Variants in CDH4 observed in about 807,000 individuals in gnomAD.
The protein encoded by CDH4 is cadherin-4.
A neutral mutation model predicts 86.0 loss-of-function variants in CDH4; 33 were observed. The ratio of observed to expected loss-of-function variants is 0.38; its 90% CI spans 0.29 to 0.51. The LOEUF is 0.51. Ranked by LOEUF, CDH4 falls within the 20% of genes least tolerant of loss-of-function variation. CDH4 has a pLI of 0.86. For missense variants in CDH4, 1,114 were observed against 1,307.4 expected (o/e 0.85, Z 2.28); for synonymous variants, 555 against 549.4 (o/e 1.01, Z -0.14).
At chr20:61,925,347 G>A (rs2055033709) in intron 11 of CDH4, among the ~76,000 whole-genome samples, 3 of 152,210 alleles carry the variant, frequency 2.0e-5, no homozygotes, top group African/African-American at 7.2e-5. Context: ...TGGAACCGAA[G>A]ATCAGTCCAG....
At chr20:61,361,604 C>A (rs748279576) in intron 2 of CDH4, among the ~76,000 whole-genome samples, 2 of 152,186 alleles carry the variant, frequency 1.3e-5, no homozygotes, top group South Asian at 4.1e-4. Flanking sequence ...TTCCGACAGT[C>A]GTGCGTGGAG....
chr20:61,317,678 T>G (rs1015865302), intron 2 of CDH4, among the ~76,000 whole-genome samples: 4 of 152,088 alleles, frequency 2.6e-5, no homozygotes, highest in Non-Finnish European at 5.9e-5. Context: ...CTCCCCTAGG[T>G]GCCACAACCA....
chr20:61,838,935 G>A (rs1355515752), intron 4 of CDH4, among the ~76,000 whole-genome samples: 1 of 152,224 alleles, frequency 6.6e-6, no homozygotes, highest in South Asian at 2.1e-4. Flanking sequence ...TGTGCCTTCG[G>A]GATGGGGCAA....
intron 7 of CDH4, among the ~76,000 whole-genome samples, chr20:61,893,462 G>A (rs955507521): frequency 2.7e-5 from 4 of 150,276 alleles, no homozygotes; most frequent in Admixed American, 6.6e-5. Context: ...AGGGATAGAC[G>A]GATTGGCGGA....
intron 2 of CDH4, chr20:61,499,410 G>C (rs764733367): frequency 7.9e-7 from 1 of 1,268,408 alleles, no homozygotes; most frequent in South Asian, 1.2e-5. Context: ...GGGTGCAGGT[G>C]TGCCTGGTTC....
At chr20:61,342,250 A>C (rs981066246) in intron 2 of CDH4, among the ~76,000 whole-genome samples, 22 of 152,320 alleles carry the variant, frequency 1.4e-4, no homozygotes, top group Middle Eastern at 6.8e-3. Flanking sequence ...GGATGATTCA[A>C]GCGCTTTACA....
At chr20:61,565,260 GTGGTGGTGGTCCTCTTGGTGATGGGGTGA>G (rs2086274570) in intron 2 of CDH4, among the ~76,000 whole-genome samples, 1 of 101,724 alleles carries the variant, frequency 9.8e-6, no homozygotes, top group Non-Finnish European at 2.1e-5. Context: ...CTTGGTGATG[GTGGTGGTGGTCCTCTTGGTGATGGGGTGA>G]TGGTGGTGGC....
At chr20:61,477,045 G>C (rs2085540916) in intron 2 of CDH4, among the ~76,000 whole-genome samples, 1 of 152,332 alleles carries the variant, frequency 6.6e-6, no homozygotes, top group Admixed American at 6.5e-5. Context: ...AGAGCCAGGG[G>C]CCGGGGCTGC....
chr20:61,484,940 A>T (rs2085587908), intron 2 of CDH4, among the ~76,000 whole-genome samples: 1 of 152,218 alleles, frequency 6.6e-6, no homozygotes, highest in Non-Finnish European at 1.5e-5. Context: ...TAAAGGTGCC[A>T]GTGTTTTCTC....
In CDH4 at chr20:61,879,543, T is replaced by A. The variant is rs1984190367; in HGVS notation, c.1050+5643T>A. Reference sequence around the variant, plus strand: ...CGCCGTGTCTAATTAGGCAGAGCTATGTAAATTGAGCGCTTCTACTTGATT... The same window carrying A: ...CGCCGTGTCTAATTAGGCAGAGCTAAGTAAATTGAGCGCTTCTACTTGATT... On this transcript the variant is annotated intron_variant, in intron 7 of 15. Transcript: ENST00000614565. This position sits in a 1 kb window ranked among gnomAD's most constrained non-coding sequence, Gnocchi z 4.1. Among the ~76,000 whole-genome samples the A allele has an allele frequency of 6.6e-6, 1 of 152,182 alleles. No individual in the cohort carries two copies. Among genetic ancestry groups the A allele is most frequent in the South Asian group, 2.1e-4 (1 of 4,830 alleles).
intron 2 of CDH4, chr20:61,435,501 C>G (rs1034154265): frequency 6.6e-6 from 1 of 152,508 alleles, no homozygotes; most frequent in Non-Finnish European, 1.5e-5. Context: ...GCACTGCGGC[C>G]GGAGGAGGTG....
intron 2 of CDH4, among the ~76,000 whole-genome samples, chr20:61,293,607 T>A (rs2084335561): frequency 6.6e-6 from 1 of 152,200 alleles, no homozygotes; most frequent in Non-Finnish European, 1.5e-5. Flanking sequence ...GAGAGACACA[T>A]TTTTAAAGCC....
At chr20:61,624,630 G>C (rs1320133298) in intron 2 of CDH4, among the ~76,000 whole-genome samples, 1 of 152,246 alleles carries the variant, frequency 6.6e-6, no homozygotes, top group Non-Finnish European at 1.5e-5. Flanking sequence ...TGATGACAGG[G>C]ACAAAGAGAG....
At chr20:61,297,627 G>C (rs975684692) in intron 2 of CDH4, among the ~76,000 whole-genome samples, 2 of 152,256 alleles carry the variant, frequency 1.3e-5, no homozygotes, top group African/African-American at 4.8e-5. Flanking sequence ...CTGGCACACA[G>C]TGGGCCCTTC....
chr20:61,503,980 C>T (rs2085722430), intron 2 of CDH4, among the ~76,000 whole-genome samples: 1 of 152,182 alleles, frequency 6.6e-6, no homozygotes, highest in African/African-American at 2.4e-5. Context: ...TGCTTATGGT[C>T]TGGTTTTCTA....
chr20:61,555,721 T>A (rs1160866149), intron 2 of CDH4, among the ~76,000 whole-genome samples: 2 of 152,222 alleles, frequency 1.3e-5, no homozygotes, highest in African/African-American at 4.8e-5. Flanking sequence ...ATGGGCTCAT[T>A]AGAGTAGCAG....
In CDH4 at chr20:61,749,662, A is replaced by G. The variant is rs368780853; in HGVS notation, c.396+5873A>G. ...GCAGGAAAAAAAAAAATCACATGGAAATTAGTGAATATTTTGAACTGAGTA... is the reference window on the plus strand; with the variant it reads ...GCAGGAAAAAAAAAAATCACATGGAGATTAGTGAATATTTTGAACTGAGTA... On this transcript the variant is annotated intron_variant, in intron 3 of 15. Transcript: ENST00000614565. Among the ~76,000 whole-genome samples the G allele has an allele frequency of 1.7e-3, 254 of 152,342 alleles. 1 individual carries two copies. Among genetic ancestry groups the G allele is most frequent in the African/African-American group, 5.9e-3 (246 of 41,584 alleles).
intron 4 of CDH4, among the ~76,000 whole-genome samples, chr20:61,813,624 C>G (rs1027814811): frequency 9.2e-5 from 14 of 152,186 alleles, no homozygotes; most frequent in African/African-American, 3.4e-4. Flanking sequence ...TCTGCTGGCT[C>G]AGGGCTGTGT....
chr20:61,696,931 G>A (rs1354804262), intron 2 of CDH4, among the ~76,000 whole-genome samples: 1 of 152,178 alleles, frequency 6.6e-6, no homozygotes, highest in Non-Finnish European at 1.5e-5. Context: ...GGGGAAAAGA[G>A]AGTAAGGCCG....
Sources: allele counts gnomAD v4.1 joint callset (sites outside exome capture counted in the v4.1 genomes callset), GRCh38; gene constraint gnomAD v4.1.1; non-coding constraint Gnocchi (gnomAD v3.1); transcripts MANE v1.5; gene names NCBI Gene and HGNC (gene_info 2026-07-23, HGNC 2026-07-21).